OPA1: variants seen among roughly 807,000 people sequenced by gnomAD.
OPA1 encodes the protein OPA1 mitochondrial dynamin like GTPase.
Under a neutral mutation model 152.9 loss-of-function variants are expected in OPA1, and 59 were observed. The ratio of observed to expected loss-of-function variants is 0.39; its 90% CI spans 0.31 to 0.48. The LOEUF is 0.48. Ranked by LOEUF, OPA1 falls within the 20% of genes least tolerant of loss-of-function variation. The pLI, the probability that OPA1 is intolerant of heterozygous loss-of-function variation, is 0.96. For synonymous variants in OPA1, 400 were observed against 389.9 expected (o/e 1.03, Z -0.31); for missense variants, 1,008 against 1,216.8 (o/e 0.83, Z 2.55).
intron 27 of OPA1, among the ~76,000 whole-genome samples, chr3:193,665,296 C>A (rs1716276919): frequency 1.3e-5 from 2 of 151,384 alleles, no homozygotes; most frequent in South Asian, 2.1e-4. Flanking sequence ...TCCCTTATTC[C>A]CTGACCTGTA....
At chr3:193,681,749 T>C (rs1269826794) in intron 29 of OPA1, among the ~76,000 whole-genome samples, 1 of 152,116 alleles carries the variant, frequency 6.6e-6, no homozygotes, top group African/African-American at 2.4e-5. Flanking sequence ...CATGGTGATC[T>C]TTGATGTTTG....
At chr3:193,593,534 C>G (rs1724985308) in intron 1 of OPA1, 125 bp downstream of exon 1, 1 of 1,021,910 alleles carries the variant, frequency 9.8e-7, no homozygotes, top group Middle Eastern at 2.3e-4. Flanking sequence ...TGGAGAATTC[C>G]CAGATGTTCT....
intron 1 of OPA1, among the ~76,000 whole-genome samples, chr3:193,601,455 ACCCTCAGGGGTTGG>A: frequency 6.6e-6 from 1 of 152,044 alleles, no homozygotes; most frequent in Non-Finnish European, 1.5e-5. Context: ...CCCAATAGAG[ACCCTCAGGGGTTGG>A]AAAAGGGGGC....
At chr3:193,693,265 T>C (rs557131176) in intron 30 of OPA1, among the ~76,000 whole-genome samples, 1 of 152,342 alleles carries the variant, frequency 6.6e-6, no homozygotes, top group African/African-American at 2.4e-5. Flanking sequence ...TTCGGAACAG[T>C]GTGCCAGCAA....
intron 1 of OPA1, among the ~76,000 whole-genome samples, chr3:193,597,439 C>T (rs1725776107): frequency 6.6e-6 from 1 of 152,050 alleles, no homozygotes; most frequent in Non-Finnish European, 1.5e-5. Context: ...TCCTGTAATC[C>T]CAGCACTTTG....
chr3:193,613,042 A>G (rs572309793), intron 1 of OPA1, among the ~76,000 whole-genome samples: 60 of 152,354 alleles, frequency 3.9e-4, no homozygotes, highest in African/African-American at 1.4e-3. Flanking sequence ...TTCAAATCCC[A>G]CTTCTGACAC....
chr3:193,679,552 A>G (rs1220482817), intron 29 of OPA1, among the ~76,000 whole-genome samples: 1 of 152,210 alleles, frequency 6.6e-6, no homozygotes, highest in Non-Finnish European at 1.5e-5. Flanking sequence ...TTATGTAAAT[A>G]TTTATGGCAA....
chr3:193,691,485 G>A (rs184522477), intron 29 of OPA1: 1 of 152,176 alleles, frequency 6.6e-6, no homozygotes, highest in East Asian at 1.9e-4. Context: ...TAGCACCATT[G>A]CACTTCTCAT....
At chr3:193,639,718 G>A (rs1053967328) in intron 11 of OPA1, among the ~76,000 whole-genome samples, 1 of 152,222 alleles carries the variant, frequency 6.6e-6, no homozygotes, top group African/African-American at 2.4e-5. Context: ...AGTAACAAAA[G>A]TGCCTTTTAA....
At chr3:193,615,589 TTAATG>T in intron 2 of OPA1, 80 bp from the exon 3 acceptor site, 1 of 821,134 alleles carries the variant, frequency 1.2e-6, no homozygotes, top group East Asian at 2.5e-5. Flanking sequence ...TCTTAGTAGA[TTAATG>T]TGTTTTAATT....
intron 21 of OPA1, among the ~76,000 whole-genome samples, 199 bp downstream of exon 21, chr3:193,649,070 T>C (rs1323816834): frequency 6.6e-6 from 1 of 152,180 alleles, no homozygotes; most frequent in Non-Finnish European, 1.5e-5. Flanking sequence ...TTTTTAAATC[T>C]TGATTCTCTT....
chr3:193,616,560 T>A (rs1286454048), intron 3 of OPA1, among the ~76,000 whole-genome samples: 1 of 152,230 alleles, frequency 6.6e-6, no homozygotes, highest in Non-Finnish European at 1.5e-5. Context: ...TTTGATTGGA[T>A]ACCTTGGTTA....
intron 29 of OPA1, among the ~76,000 whole-genome samples, chr3:193,673,623 TTTAA>T (rs1361033645): frequency 5.9e-5 from 9 of 152,236 alleles, no homozygotes; most frequent in African/African-American, 2.2e-4. Context: ...CTGTGGAATC[TTTAA>T]TTGAGCATAA....
chr3:193,615,669 T>C lies in OPA1; in HGVS notation c.352-5T>C, dbSNP rs749409109. The C allele has an allele frequency of 1.9e-6, 3 of 1,559,950 alleles. No individual in the cohort carries two copies. Among genetic ancestry groups the C allele is most frequent in the Non-Finnish European group, 2.7e-6 (3 of 1,130,876 alleles). On this transcript the variant is annotated splice_region_variant and splice_polypyrimidine_tract_variant and intron_variant, in intron 2 of 30. Transcript: ENST00000361510. ...ATCTGATTGACACACTTTCTTGTCT[T>C]TTAGACTTTTGATCAGTGGAAAGAT...
intron 23 of OPA1, 142 bp from the exon 24 acceptor site, chr3:193,658,745 A>G: frequency 3.1e-6 from 2 of 653,062 alleles, no homozygotes; most frequent in East Asian, 2.9e-5. Flanking sequence ...AAGCTTATGC[A>G]TTTTTATAGG....
intron 1 of OPA1, among the ~76,000 whole-genome samples, chr3:193,612,432 C>G (rs1162982485): frequency 6.6e-6 from 1 of 152,082 alleles, no homozygotes; most frequent in African/African-American, 2.4e-5. Flanking sequence ...TGGTCTGTTG[C>G]TTAAGCTTTT....
chr3:193,679,142 C>T (rs902915290), intron 29 of OPA1, among the ~76,000 whole-genome samples: 4 of 151,768 alleles, frequency 2.6e-5, no homozygotes, highest in African/African-American at 7.3e-5. Context: ...GCGTGGGGGG[C>T]GAGGGGAGGG....
At chr3:193,643,123 A>G in intron 13 of OPA1, 74 bp downstream of exon 13, 1 of 1,263,900 alleles carries the variant, frequency 7.9e-7, no homozygotes, top group South Asian at 1.2e-5. Flanking sequence ...ATCAAAATCT[A>G]GGTATTGATG....
At chr3:193,652,936 A>G (rs1712883889) in intron 21 of OPA1, among the ~76,000 whole-genome samples, 1 of 152,162 alleles carries the variant, frequency 6.6e-6, no homozygotes, top group African/African-American at 2.4e-5. Flanking sequence ...TGTCAGGGAT[A>G]TGGATTCCTG....
Sources: gnomAD v4.1 joint callset for allele counts (sites outside exome capture counted in the v4.1 genomes callset) on GRCh38, gnomAD v4.1.1 for gene constraint, MANE v1.5 for transcripts, NCBI Gene and HGNC (gene_info 2026-07-23, HGNC 2026-07-21) for gene names.